The following MUSK variants were observed in gnomAD, a reference collection of about 807,000 sequenced individuals.
MUSK encodes muscle associated receptor tyrosine kinase, also known as muscle, skeletal receptor tyrosine-protein kinase.
In MUSK, 55 loss-of-function variants were observed where a neutral mutation model predicts 88.7. That is an observed-to-expected ratio of 0.62 (90% CI 0.50 to 0.78). MUSK has a LOEUF of 0.78. Among genes scored for constraint, MUSK ranks in the 30% least tolerant of loss-of-function variants. The pLI, the probability that MUSK is intolerant of heterozygous loss-of-function variation, is 0.00. For missense variants in MUSK, 1,015 were observed against 1,074.3 expected, an observed-to-expected ratio of 0.94 and a Z score of 0.77; for synonymous variants, 387 against 391.9, an observed-to-expected ratio of 0.99 and a Z score of 0.15.
At chr9:110,760,752 C>T (rs1940247) in intron 7 of MUSK, among the ~76,000 whole-genome samples, 45,281 of 152,006 alleles carry the variant, frequency 0.3, 7,422 homozygotes, top group Non-Finnish European at 0.36. Flanking sequence ...TTCAGGATCA[C>T]TGAATAAAAA....
Position 110,747,346 on chromosome 9 carries a change from T to C in MUSK, c.754-295T>C, listed in dbSNP as rs529951172. 7.2e-5 allele frequency among the ~76,000 whole-genome samples: 11 copies of C among 151,736 alleles called. No individual in the cohort carries two copies. The East Asian group carries it at 2.1e-3, about 29-fold the overall frequency. On this transcript the variant is annotated intron_variant, in intron 6 of 14. Coordinates refer to ENST00000374448, the MANE Select transcript of MUSK (RefSeq NM_005592.4). ...TGTTTATAGGCAGTCCCAGGTTCCA[T>C]AAACAAGAAAGCAAGCCACAATGTG... is the stretch of plus-strand genomic sequence containing the variant.
chr9:110,787,578 C>G, intron 13 of MUSK, 112 bp from the exon 14 acceptor site: 2 of 1,095,844 alleles, frequency 1.8e-6, no homozygotes, highest in Non-Finnish European at 2.5e-6. Flanking sequence ...CTGCGTGAGA[C>G]TTAACCAGCC....
At chr9:110,759,639 C>A (rs2077371585) in intron 7 of MUSK, among the ~76,000 whole-genome samples, 1 of 152,130 alleles carries the variant, frequency 6.6e-6, no homozygotes, top group South Asian at 2.1e-4. Flanking sequence ...AAACAAACAA[C>A]CTCATTTAAA....
At chr9:110,682,901 G>A in intron 2 of MUSK, 101 bp downstream of exon 2, 3 of 798,238 alleles carry the variant, frequency 3.8e-6, no homozygotes, top group Non-Finnish European at 5.6e-6. Flanking sequence ...TTTGATACAG[G>A]CATGCAATGT....
intron 5 of MUSK, among the ~76,000 whole-genome samples, chr9:110,733,792 T>C (rs2076993929): frequency 6.6e-6 from 1 of 151,980 alleles, no homozygotes; most frequent in African/African-American, 2.4e-5. Flanking sequence ...AGGGGAATAA[T>C]AGACAAGTAA....
chr9:110,755,802 G>A (rs566622012), intron 7 of MUSK, among the ~76,000 whole-genome samples: 3 of 151,372 alleles, frequency 2.0e-5, no homozygotes, highest in East Asian at 1.9e-4. Context: ...CAAGGAAGGC[G>A]GCAAATGTGT....
intron 3 of MUSK, among the ~76,000 whole-genome samples, chr9:110,689,730 T>A (rs1376689291): frequency 1.0e-3 from 6 of 6,028 alleles, no homozygotes; most frequent in South Asian, 5.3e-3. Flanking sequence ...TTATATATAG[T>A]TTATATATAA....
At chr9:110,775,704 GA>G in intron 9 of MUSK, 83 bp from the exon 10 acceptor site, 1 of 1,315,232 alleles carries the variant, frequency 7.6e-7, no homozygotes, top group Non-Finnish European at 1.1e-6. Context: ...ATGATGTCTT[GA>G]AAACACAGAA....
chr9:110,767,777 G>A, intron 8 of MUSK, 43 bp from the exon 9 acceptor site: 1 of 1,610,002 alleles, frequency 6.2e-7, no homozygotes, highest in Non-Finnish European at 8.5e-7. Flanking sequence ...TGAATGCCAA[G>A]AAATAGCATG....
chr9:110,673,007 C>T (rs1408825120), intron 1 of MUSK, among the ~76,000 whole-genome samples: 4 of 152,132 alleles, frequency 2.6e-5, no homozygotes, highest in South Asian at 2.1e-4. Context: ...CTAGTTTAAA[C>T]GAGCTCTGGC....
intron 7 of MUSK, among the ~76,000 whole-genome samples, chr9:110,754,304 T>C (rs1386023043): frequency 6.6e-6 from 1 of 152,210 alleles, no homozygotes; most frequent in Non-Finnish European, 1.5e-5. Flanking sequence ...AGAGAGCCAA[T>C]GTTTTTGCTG....
At chr9:110,715,310 T>A (rs1484602077) in intron 5 of MUSK, among the ~76,000 whole-genome samples, 1 of 149,750 alleles carries the variant, frequency 6.7e-6, no homozygotes, top group African/African-American at 2.5e-5. Context: ...TCTCCACAAT[T>A]CTATGAGTTG....
At chr9:110,706,758 C>T (rs1393960930) in intron 5 of MUSK, among the ~76,000 whole-genome samples, 2 of 152,182 alleles carry the variant, frequency 1.3e-5, no homozygotes, top group Non-Finnish European at 2.9e-5. Flanking sequence ...CATCTCGGCA[C>T]TTTGGGAGGT....
rs1564303567 is a variant in MUSK, at chr9:110,804,161, C to CT, written c.*3174dup. On this transcript the variant is annotated 3_prime_UTR_variant, in exon 15 of 15. Transcript: ENST00000374448. ...ATTTTATTCATATACTGTAATTTAG[C>CT]TAATCAATCTTGTATTTTTGAACAT... Among the ~76,000 whole-genome samples, 1 of 152,046 alleles carries CT rather than the reference C, an allele frequency of 6.6e-6. No homozygotes were observed. The highest frequency in any genetic ancestry group is 1.9e-4 in the East Asian group (1 of 5,200).
intron 1 of MUSK, among the ~76,000 whole-genome samples, chr9:110,674,984 G>A (rs1276977019): frequency 6.6e-6 from 1 of 151,882 alleles, no homozygotes. Context: ...AAACAGCCTG[G>A]GTTTCTTTTT....
chr9:110,752,087 C>A (rs1309458060), intron 7 of MUSK, among the ~76,000 whole-genome samples: 1 of 152,080 alleles, frequency 6.6e-6, no homozygotes, highest in Non-Finnish European at 1.5e-5. Flanking sequence ...TGACACTCCT[C>A]GACTTTTCCC....
intron 7 of MUSK, among the ~76,000 whole-genome samples, chr9:110,755,570 A>G (rs1209183442): frequency 2.0e-5 from 3 of 152,104 alleles, no homozygotes; most frequent in African/African-American, 7.2e-5. Context: ...CATAATTTCC[A>G]GGTAATGTTT....
chr9:110,749,646 A>T (rs2077223412), intron 7 of MUSK, among the ~76,000 whole-genome samples: 1 of 152,236 alleles, frequency 6.6e-6, no homozygotes, highest in Non-Finnish European at 1.5e-5. Context: ...GGAGGTTGAG[A>T]AGTGCGGCAA....
At chr9:110,761,992 C>T (rs1210018375) in intron 7 of MUSK, 1 of 921,134 alleles carries the variant, frequency 1.1e-6, no homozygotes, top group African/African-American at 1.8e-5. Context: ...AACCTGCTTC[C>T]TAAAGATACT....
Sources: gnomAD v4.1 joint callset for allele counts (sites outside exome capture counted in the v4.1 genomes callset) on GRCh38, gnomAD v4.1.1 for gene constraint, MANE v1.5 for transcripts, NCBI Gene and HGNC (gene_info 2026-07-23, HGNC 2026-07-21) for gene names.